The following NPSR1 variants were observed in gnomAD, a reference collection of about 807,000 sequenced individuals.
The protein encoded by NPSR1 is neuropeptide S receptor.
A neutral mutation model predicts 46.9 loss-of-function variants in NPSR1; 48 were observed. That is an observed-to-expected ratio of 1.02 (90% confidence interval 0.81 to 1.30). The LOEUF is 1.30. NPSR1 is among the 50% of genes most tolerant of loss of function. The pLI, the probability that NPSR1 is intolerant of heterozygous loss-of-function variation, is 0.00. For synonymous variants in NPSR1, 176 were observed against 168.1 expected (o/e 1.05, Z -0.36); for missense variants, 450 against 449.5 (o/e 1.00, Z -0.01).
intron 3 of NPSR1, among the ~76,000 whole-genome samples, chr7:34,785,101 A>T (rs1787399688): frequency 1.3e-5 from 2 of 151,914 alleles, no homozygotes; most frequent in African/African-American, 2.4e-5. Context: ...TTGTGGCACT[A>T]TTCACAATAG....
intron 2 of NPSR1, among the ~76,000 whole-genome samples, chr7:34,766,962 A>G (rs1258469358): frequency 1.3e-5 from 2 of 152,172 alleles, no homozygotes; most frequent in South Asian, 2.1e-4. Context: ...AACTATAATG[A>G]TAAAGAACAC....
At chr7:34,674,617 C>A (rs778113589) in intron 1 of NPSR1, among the ~76,000 whole-genome samples, 4 of 152,156 alleles carry the variant, frequency 2.6e-5, no homozygotes, top group Non-Finnish European at 4.4e-5. Context: ...TGGAAAATGG[C>A]AGATATTTGC....
At chr7:34,673,930 C>T (rs1792184744) in intron 1 of NPSR1, among the ~76,000 whole-genome samples, 1 of 152,096 alleles carries the variant, frequency 6.6e-6, no homozygotes, top group South Asian at 2.1e-4. Context: ...AACGTAAATG[C>T]CAACAGGAGG....
Position 34,844,955 on chromosome 7 carries a change from A to C in NPSR1, c.817A>C (p.Ile273Leu). Residue 273 changes from isoleucine (I) to leucine (L), a missense_variant, in exon 7 of 9, where the codon ATC (isoleucine) becomes CTC (leucine). Transcript: ENST00000360581. ...GLISKAKIKA[I>L]KYSIIIILAF... ...CATCTCAAAGGCAAAAATCAAGGCTATCAAGTATAGCATCATCATCATTCT... is the reference window on the plus strand; with the variant it reads ...CATCTCAAAGGCAAAAATCAAGGCTCTCAAGTATAGCATCATCATCATTCT... 1 of 1,612,746 alleles carries C rather than the reference A, an allele frequency of 6.2e-7. No individual in the cohort carries two copies. Among genetic ancestry groups the C allele is most frequent in the South Asian group, 1.1e-5 (1 of 91,052 alleles).
chr7:34,853,899 G>T (rs187602001), downstream of NPSR1, among the ~76,000 whole-genome samples: 234 of 151,926 alleles, frequency 1.5e-3, no homozygotes, highest in African/African-American at 5.5e-3. Context: ...CTGGGAGGAG[G>T]AGGTTGCAGT....
chr7:34,847,369 C>G (rs1258494595), intron 7 of NPSR1, among the ~76,000 whole-genome samples: 1 of 151,356 alleles, frequency 6.6e-6, no homozygotes, highest in Non-Finnish European at 1.5e-5. Flanking sequence ...GTGTTTAGCT[C>G]TGTGTCGTAG....
At chr7:34,763,679 G>C (rs185067530) in intron 2 of NPSR1, among the ~76,000 whole-genome samples, 2 of 152,148 alleles carry the variant, frequency 1.3e-5, no homozygotes, top group Admixed American at 1.3e-4. Context: ...TCAGGTAGAG[G>C]TGTATAAAGA....
At chr7:34,841,502 T>C (rs1790565000) in intron 6 of NPSR1, among the ~76,000 whole-genome samples, 1 of 152,258 alleles carries the variant, frequency 6.6e-6, no homozygotes, top group Admixed American at 6.5e-5. Context: ...CAAGCCCGAT[T>C]AATGCACAGT....
intron 8 of NPSR1, among the ~76,000 whole-genome samples, chr7:34,858,072 G>C (rs1791090316): frequency 6.6e-6 from 1 of 151,814 alleles, no homozygotes; most frequent in Admixed American, 6.5e-5. Flanking sequence ...CATCAGAAAT[G>C]CTTATCTTGT....
intron 3 of NPSR1, among the ~76,000 whole-genome samples, chr7:34,784,737 T>C (rs1287413751): frequency 6.6e-6 from 1 of 152,132 alleles, no homozygotes; most frequent in East Asian, 1.9e-4. Context: ...TTTCTATTGA[T>C]TGGAATAGTT....
chr7:34,792,719 A>ATATATATG (rs1562733434), intron 3 of NPSR1, among the ~76,000 whole-genome samples: 1 of 123,386 alleles, frequency 8.1e-6, no homozygotes, highest in African/African-American at 3.1e-5. Flanking sequence ...ATATATTTAT[A>ATATATATG]TATATATATA....
intron 2 of NPSR1, among the ~76,000 whole-genome samples, chr7:34,745,168 C>T (rs34096664): frequency 0.067 from 10,189 of 152,172 alleles, 985 homozygotes; most frequent in African/African-American, 0.21. Flanking sequence ...TAGTCACTAC[C>T]ATAGTGCCTC....
intron 2 of NPSR1, among the ~76,000 whole-genome samples, chr7:34,732,685 C>T (rs1454777383): frequency 1.3e-5 from 2 of 152,146 alleles, no homozygotes; most frequent in African/African-American, 4.8e-5. Context: ...TTTAATTTTA[C>T]TGAGGCTGAA....
At chr7:34,719,388 GC>G (rs1783738221) in intron 2 of NPSR1, 1 of 152,198 alleles carries the variant, frequency 6.6e-6, no homozygotes, top group South Asian at 2.1e-4. Flanking sequence ...TTGCTGCAAA[GC>G]GTTTTTCTCT....
At chr7:34,823,399 G>GAAAAAGAAAAAAAAAAAAAAAA (rs1554336128) in intron 4 of NPSR1, among the ~76,000 whole-genome samples, 1 of 68,270 alleles carries the variant, frequency 1.5e-5, no homozygotes, top group African/African-American at 5.1e-5. Context: ...GACTTCACCA[G>GAAAAAGAAAAAAAAAAAAAAAA]AAAAAAAAAA....
At position 34,726,745 on chromosome 7, in the gene NPSR1, T is replaced by C. The variant is rs567591019; in HGVS notation, c.280+42061T>C. Reference sequence around the variant, plus strand: ...CATGCATATTACTGATTGAAAGAAGTCAATCTGCAAAGACTACATATTATG... The same window carrying C: ...CATGCATATTACTGATTGAAAGAAGCCAATCTGCAAAGACTACATATTATG... On this transcript the variant is annotated intron_variant, in intron 2 of 8. Transcript: ENST00000360581. Among the ~76,000 whole-genome samples, 18 of 150,288 alleles carry C rather than the reference T, an allele frequency of 1.2e-4. No homozygotes were observed. In the Admixed American group the frequency reaches 1.2e-3, roughly 10 times the overall value.
intron 8 of NPSR1, among the ~76,000 whole-genome samples, chr7:34,865,896 G>T (rs1269075377): frequency 6.6e-6 from 1 of 151,624 alleles, no homozygotes; most frequent in Non-Finnish European, 1.5e-5. Flanking sequence ...TAACAATGAG[G>T]TCATTTCCTC....
intron 3 of NPSR1, among the ~76,000 whole-genome samples, chr7:34,790,985 A>G (rs1787785045): frequency 5.8e-5 from 7 of 120,952 alleles, no homozygotes; most frequent in African/African-American, 1.6e-4. Context: ...TATATGTTAT[A>G]TTATATATGT....
In NPSR1 at chr7:34,859,943, G is replaced by A. The variant is rs185513350; in HGVS notation, c.1025+11280G>A. Among the ~76,000 whole-genome samples the A allele has an allele frequency of 1.4e-3, 210 of 151,772 alleles. 4 individuals are homozygous for A. The highest frequency in any genetic ancestry group is 4.9e-3 in the African/African-American group (201 of 41,080). ...AGGCCTCCTTTGCTTACATCTAAGT[G>A]GTTTCCCCTGGTCCAACTGGAACAC... is the stretch of plus-strand genomic sequence containing the variant. On this transcript the variant is annotated intron_variant, in intron 8 of 8. Transcript: ENST00000359791.
Sources: gnomAD v4.1 joint callset for allele counts (sites outside exome capture counted in the v4.1 genomes callset) on GRCh38, gnomAD v4.1.1 for gene constraint, MANE v1.5 for transcripts, NCBI Gene and HGNC (gene_info 2026-07-23, HGNC 2026-07-21) for gene names.